Variants in PLCH1 observed in about 807,000 individuals in gnomAD.
The protein encoded by PLCH1 is phospholipase C eta 1, also known as 1-phosphatidylinositol 4,5-bisphosphate phosphodiesterase eta-1.
PLCH1 carries 60 observed loss-of-function variants against 126.7 expected under a neutral mutation model. The observed-to-expected ratio is 0.47, with a 90% CI of 0.38 to 0.59. The LOEUF is 0.59. Ranked by LOEUF, PLCH1 falls within the 20% of genes least tolerant of loss-of-function variation. The probability of loss-of-function intolerance (pLI) is 0.00; values close to 1 mark genes in which losing one functional copy is unlikely to be tolerated. For synonymous variants in PLCH1, 719 were observed against 734.9 expected, an observed-to-expected ratio of 0.98 and a Z score of 0.35; for missense variants, 1,723 against 2,040.0, an observed-to-expected ratio of 0.84 and a Z score of 2.99.
At chr3:155,544,650 C>T (rs1032275545) in intron 10 of PLCH1, among the ~76,000 whole-genome samples, 1 of 152,168 alleles carries the variant, frequency 6.6e-6, no homozygotes, top group Non-Finnish European at 1.5e-5. Context: ...AAGCTCTCCT[C>T]AGCAAATGTA....
At chr3:155,602,155 G>A (rs1470834404) in intron 2 of PLCH1, among the ~76,000 whole-genome samples, 3 of 152,156 alleles carry the variant, frequency 2.0e-5, no homozygotes, top group Admixed American at 6.5e-5. Context: ...AGATAATGAG[G>A]AAGATCTCTA....
intron 21 of PLCH1, among the ~76,000 whole-genome samples, chr3:155,452,858 C>CT (rs1712342401): frequency 6.6e-6 from 1 of 152,078 alleles, no homozygotes; most frequent in Admixed American, 6.5e-5. Flanking sequence ...TAATACAAGG[C>CT]TGAGATTGCT....
intron 9 of PLCH1, 90 bp downstream of exon 9, chr3:155,553,986 G>T: frequency 1.6e-6 from 2 of 1,283,356 alleles, no homozygotes; most frequent in South Asian, 2.7e-5. Context: ...TAGAGTCCAA[G>T]GAAGAGGATG....
rs967730293 is a variant in PLCH1, at chr3:155,491,688, A to G, written c.2308-820T>C. On this transcript the variant is annotated intron_variant, in intron 18 of 22. Coordinates refer to ENST00000460012, the MANE Select transcript of PLCH1 (RefSeq NM_014996.4). Reference sequence around the variant, plus strand: ...CTAAGAGTCCATTTATATAAAGTTTAGGAATAGACAAAATTTGTCTGCTGT... The same window carrying G: ...CTAAGAGTCCATTTATATAAAGTTTGGGAATAGACAAAATTTGTCTGCTGT... Among the ~76,000 whole-genome samples the G allele has an allele frequency of 2.0e-5, 3 of 152,190 alleles. No homozygotes were observed. The South Asian group carries it at 6.2e-4, about 32-fold the overall frequency.
intron 2 of PLCH1, among the ~76,000 whole-genome samples, chr3:155,696,255 C>T (rs1440077142): frequency 6.6e-6 from 1 of 152,096 alleles, no homozygotes; most frequent in African/African-American, 2.4e-5. Flanking sequence ...AAATATAAAA[C>T]ATGTCACAGA....
At chr3:155,522,267 T>C (rs922419748) in intron 11 of PLCH1, among the ~76,000 whole-genome samples, 4 of 152,166 alleles carry the variant, frequency 2.6e-5, no homozygotes, top group African/African-American at 7.2e-5. Context: ...CATAATTAAT[T>C]ATAAAAAATA....
intron 2 of PLCH1, chr3:155,676,207 T>C: frequency 7.8e-7 from 1 of 1,288,632 alleles, no homozygotes; most frequent in Non-Finnish European, 9.9e-7. Context: ...CATGATGAGA[T>C]CTTCACAATT....
intron 2 of PLCH1, among the ~76,000 whole-genome samples, chr3:155,651,668 C>T (rs1740730928): frequency 6.6e-6 from 1 of 152,114 alleles, no homozygotes; most frequent in South Asian, 2.1e-4. Flanking sequence ...TGTAAACATG[C>T]TCTACTCTTA....
At chr3:155,681,072 A>T (rs1744491285) in intron 2 of PLCH1, among the ~76,000 whole-genome samples, 1 of 152,194 alleles carries the variant, frequency 6.6e-6, no homozygotes, top group Non-Finnish European at 1.5e-5. Context: ...TATGAAAAAA[A>T]TGTTATCAGA....
chr3:155,492,601 C>A, intron 18 of PLCH1, 128 bp downstream of exon 18: 1 of 722,626 alleles, frequency 1.4e-6, no homozygotes, highest in Non-Finnish European at 2.1e-6. Context: ...CAGTTAATGT[C>A]TGATAAGCTG....
At chr3:155,521,086 T>C (rs557075173) in intron 11 of PLCH1, among the ~76,000 whole-genome samples, 6 of 152,284 alleles carry the variant, frequency 3.9e-5, no homozygotes, top group African/African-American at 1.4e-4. Context: ...TTCAGGCCTT[T>C]GTTCAAATGC....
chr3:155,458,494 GAAAGAGAAA>G (rs1560027405), intron 21 of PLCH1, among the ~76,000 whole-genome samples: 2 of 87,060 alleles, frequency 2.3e-5, no homozygotes, highest in African/African-American at 2.6e-4. Flanking sequence ...AAGAAAGAAA[GAAAGAGAAA>G]GAAGAGAGAG....
intron 2 of PLCH1, among the ~76,000 whole-genome samples, chr3:155,649,828 A>G (rs1039100356): frequency 3.3e-5 from 5 of 152,140 alleles, no homozygotes; most frequent in Non-Finnish European, 5.9e-5. Context: ...AATACAAAAA[A>G]TTAGCCAGGC....
chr3:155,592,553 T>A (rs903479902), intron 4 of PLCH1, among the ~76,000 whole-genome samples: 4 of 151,792 alleles, frequency 2.6e-5, no homozygotes, highest in Admixed American at 6.6e-5. Context: ...GGGCTGTGTT[T>A]AGAGATACTG....
intron 2 of PLCH1, among the ~76,000 whole-genome samples, chr3:155,653,075 C>T (rs948020581): frequency 6.6e-6 from 1 of 151,836 alleles, no homozygotes; most frequent in Admixed American, 6.6e-5. Context: ...AATTTACATA[C>T]ATTGCTGGAA....
At chr3:155,524,057 CA>C in intron 10 of PLCH1, 53 bp from the exon 11 acceptor site, 3 of 1,086,414 alleles carry the variant, frequency 2.8e-6, no homozygotes, top group Non-Finnish European at 2.8e-6. Context: ...TCACAATAGC[CA>C]AAAGGTGGAA....
At chr3:155,611,133 C>T (rs890164572) in intron 2 of PLCH1, among the ~76,000 whole-genome samples, 1 of 152,160 alleles carries the variant, frequency 6.6e-6, no homozygotes, top group Admixed American at 6.5e-5. Context: ...CCAGGCACGG[C>T]TCACACCTGT....
intron 2 of PLCH1, among the ~76,000 whole-genome samples, chr3:155,659,729 C>G (rs371065534): frequency 9.0e-4 from 137 of 152,056 alleles, no homozygotes; most frequent in African/African-American, 3.2e-3. Flanking sequence ...GAACTCCTGA[C>G]CTCAGGTGAT....
At chr3:155,622,298 T>C (rs1005973781) in intron 2 of PLCH1, among the ~76,000 whole-genome samples, 1 of 152,182 alleles carries the variant, frequency 6.6e-6, no homozygotes, top group Non-Finnish European at 1.5e-5. Flanking sequence ...TACCAGCCAC[T>C]GCAAAAACAT....
Sources: allele counts gnomAD v4.1 joint callset (sites outside exome capture counted in the v4.1 genomes callset), GRCh38; gene constraint gnomAD v4.1.1; transcripts MANE v1.5; gene names NCBI Gene and HGNC (gene_info 2026-07-23, HGNC 2026-07-21).